The following ESR1 variants were observed in gnomAD, a reference collection of about 807,000 sequenced individuals.
The protein encoded by ESR1 is estrogen receptor 1.
A neutral mutation model predicts 52.7 loss-of-function variants in ESR1; 12 were observed. That is an observed-to-expected ratio of 0.23 (90% confidence interval 0.15 to 0.37). The LOEUF (loss-of-function observed/expected upper bound fraction) is 0.37. Among genes scored for constraint, ESR1 ranks in the 10% least tolerant of loss-of-function variants. The pLI, the probability that ESR1 is intolerant of heterozygous loss-of-function variation, is 1.00. For synonymous variants in ESR1, 305 were observed against 316.8 expected (o/e 0.96, Z 0.39); for missense variants, 584 against 779.7 (o/e 0.75, Z 2.99).
At chr6:151,967,738 T>C (rs529092686) in intron 4 of ESR1, among the ~76,000 whole-genome samples, 150 of 152,230 alleles carry the variant, frequency 9.9e-4, no homozygotes, top group Non-Finnish European at 1.6e-3. Context: ...TTTCTGGTTC[T>C]AGATCCTTGA....
intron 2 of ESR1, among the ~76,000 whole-genome samples, chr6:151,781,589 T>C (rs1786544418): frequency 1.3e-5 from 2 of 152,254 alleles, no homozygotes; most frequent in Admixed American, 1.3e-4. Context: ...TCCAGAATGT[T>C]TGATCCCCTA....
intron 1 of ESR1, among the ~76,000 whole-genome samples, chr6:151,670,791 G>A (rs1244433826): frequency 1.7e-5 from 2 of 121,024 alleles, no homozygotes; most frequent in Non-Finnish European, 1.7e-5. Flanking sequence ...TTTTTGAGAC[G>A]GAGTTTCACT....
intron 6 of ESR1, among the ~76,000 whole-genome samples, chr6:152,091,743 C>A (rs750243001): frequency 6.6e-6 from 1 of 152,026 alleles, no homozygotes; most frequent in African/African-American, 2.4e-5. Flanking sequence ...GCCTTCACAC[C>A]GTGCAAACAA....
intron 6 of ESR1, among the ~76,000 whole-genome samples, chr6:152,082,564 G>A (rs1213979501): frequency 6.6e-6 from 1 of 152,156 alleles, no homozygotes; most frequent in Non-Finnish European, 1.5e-5. Flanking sequence ...AGATAAGAAT[G>A]CCCTCTCTCA....
At chr6:151,793,334 T>C (rs1776383014) in intron 2 of ESR1, among the ~76,000 whole-genome samples, 2 of 152,088 alleles carry the variant, frequency 1.3e-5, no homozygotes, top group Admixed American at 1.3e-4. Flanking sequence ...CCTGGAGCTG[T>C]CATCTCCTCT....
At chr6:151,995,354 C>T (rs2041387782) in intron 4 of ESR1, among the ~76,000 whole-genome samples, 1 of 152,068 alleles carries the variant, frequency 6.6e-6, no homozygotes, top group African/African-American at 2.4e-5. Flanking sequence ...TCCTTCCATC[C>T]ATTCGTCTAT....
At chr6:152,005,108 AGTGT>A (rs1322977683) in intron 4 of ESR1, among the ~76,000 whole-genome samples, 2 of 152,026 alleles carry the variant, frequency 1.3e-5, no homozygotes, top group African/African-American at 4.8e-5. Context: ...CAGCAAACAT[AGTGT>A]GGAGGGCTGC....
chr6:152,032,498 C>G (rs914094101), intron 5 of ESR1, among the ~76,000 whole-genome samples: 1 of 152,122 alleles, frequency 6.6e-6, no homozygotes, highest in African/African-American at 2.4e-5. Flanking sequence ...ACACCAATAA[C>G]AGACAAACAG....
At chr6:151,658,034 T>C (rs1390161186) in intron 1 of ESR1, among the ~76,000 whole-genome samples, 1 of 152,210 alleles carries the variant, frequency 6.6e-6, no homozygotes, top group Middle Eastern at 3.2e-3. Flanking sequence ...ATTTTTCTTC[T>C]ATAGATTTAT....
chr6:151,848,782 T>G (rs1169269762), intron 2 of ESR1, among the ~76,000 whole-genome samples: 2 of 152,138 alleles, frequency 1.3e-5, no homozygotes, highest in Non-Finnish European at 2.9e-5. Context: ...GCAGGAGAGA[T>G]ATTTTAGATA....
At chr6:151,940,854 G>GT (rs1229725185) in intron 3 of ESR1, among the ~76,000 whole-genome samples, 7 of 152,196 alleles carry the variant, frequency 4.6e-5, no homozygotes, top group African/African-American at 1.7e-4. Context: ...AATATACATT[G>GT]TAAGTATTGA....
chr6:151,917,561 C>T (rs2030544430), intron 3 of ESR1, among the ~76,000 whole-genome samples: 1 of 152,150 alleles, frequency 6.6e-6, no homozygotes, highest in Non-Finnish European at 1.5e-5. Flanking sequence ...TCATGGAGAA[C>T]ACATGTGGAT....
At chr6:151,764,600 A>G (rs1181353564) in intron 2 of ESR1, among the ~76,000 whole-genome samples, 1 of 152,150 alleles carries the variant, frequency 6.6e-6, no homozygotes, top group Non-Finnish European at 1.5e-5. Flanking sequence ...ATTTAGTGGA[A>G]TTTCTTTACA....
chr6:151,776,255 C>T (rs531822692), intron 2 of ESR1, among the ~76,000 whole-genome samples: 1 of 151,998 alleles, frequency 6.6e-6, no homozygotes. Context: ...GGCTCGAGTC[C>T]GAAACCACAG....
intron 3 of ESR1, among the ~76,000 whole-genome samples, chr6:151,920,216 G>C (rs2031341122): frequency 6.6e-6 from 1 of 151,826 alleles, no homozygotes; most frequent in Non-Finnish European, 1.5e-5. Context: ...CAGCATGAAT[G>C]GTAGAGACTA....
intron 1 of ESR1, among the ~76,000 whole-genome samples, chr6:151,679,559 A>G (rs1194091930): frequency 6.6e-6 from 1 of 152,100 alleles, no homozygotes; most frequent in East Asian, 1.9e-4. Context: ...CATGTCGGCC[A>G]GGCCAGGCTA....
intron 5 of ESR1, among the ~76,000 whole-genome samples, chr6:152,037,669 A>G (rs1199774262): frequency 6.6e-6 from 1 of 152,204 alleles, no homozygotes; most frequent in Non-Finnish European, 1.5e-5. Context: ...GTTACCCTAC[A>G]CATTTTCTCA....
chr6:151,956,023 T>A (rs1389123231), intron 4 of ESR1, among the ~76,000 whole-genome samples: 2 of 152,204 alleles, frequency 1.3e-5, no homozygotes, highest in African/African-American at 4.8e-5. Flanking sequence ...GGTCTCCAAT[T>A]CCATCCATGT....
chr6:152,085,273 A>C (rs1316026590), intron 6 of ESR1, among the ~76,000 whole-genome samples: 5 of 152,086 alleles, frequency 3.3e-5, no homozygotes, highest in African/African-American at 1.2e-4. Flanking sequence ...ACTGTACTCC[A>C]CCCTGGGTGA....
Sources: gnomAD v4.1 joint callset for allele counts (sites outside exome capture counted in the v4.1 genomes callset) on GRCh38, gnomAD v4.1.1 for gene constraint, MANE v1.5 for transcripts, NCBI Gene and HGNC (gene_info 2026-07-23, HGNC 2026-07-21) for gene names.